CENPN: variants seen among roughly 807,000 people sequenced by gnomAD.
CENPN encodes the protein centromere protein N, also known as interphase centromere complex protein 32.
A neutral mutation model predicts 48.6 loss-of-function variants in CENPN; 36 were observed. The ratio of observed to expected loss-of-function variants is 0.74; its 90% CI spans 0.57 to 0.98. The LOEUF is 0.98. Ranked by LOEUF, CENPN falls within the 50% of genes least tolerant of loss-of-function variation. The pLI is 0.00. For missense variants in CENPN, 439 were observed against 399.2 expected, an observed-to-expected ratio of 1.10 and a Z score of -0.85; for synonymous variants, 166 against 135.2, an observed-to-expected ratio of 1.23 and a Z score of -1.58.
intron 1 of CENPN, among the ~76,000 whole-genome samples, chr16:81,009,956 C>G (rs61556524): frequency 3.9e-5 from 6 of 152,164 alleles, no homozygotes; most frequent in Non-Finnish European, 8.8e-5. Context: ...CCCAGCACTT[C>G]AGGAGGCCGA....
chr16:81,014,390 A>G, intron 3 of CENPN: 1 of 511,264 alleles, frequency 2.0e-6, no homozygotes, highest in Non-Finnish European at 3.5e-6. Flanking sequence ...GTGCACCACC[A>G]TGTATGGCTA....
chr16:81,013,993 A>G, intron 2 of CENPN, 143 bp from the exon 3 acceptor site: 1 of 549,398 alleles, frequency 1.8e-6, no homozygotes, highest in South Asian at 2.8e-5. Flanking sequence ...ATTGGTTAAC[A>G]GGAGAAGAGA....
chr16:81,012,251 G>A, intron 2 of CENPN, 141 bp downstream of exon 2: 3 of 528,996 alleles, frequency 5.7e-6, no homozygotes, highest in Non-Finnish European at 6.0e-6. Context: ...CAACTGCAGT[G>A]GAAAAAAACC....
At chr16:81,017,501 C>G (rs1408334115) in intron 4 of CENPN, 116 bp downstream of exon 4, 1 of 738,660 alleles carries the variant, frequency 1.4e-6, no homozygotes, top group African/African-American at 1.8e-5. Flanking sequence ...CAGAGCAAGA[C>G]TCTATATCCA....
At chr16:81,032,786 C>A, downstream of CENPN, 1 of 1,324,206 alleles carries the variant, frequency 7.6e-7, no homozygotes, top group Non-Finnish European at 1.0e-6. Flanking sequence ...CTAATGCAGG[C>A]CTCCTTGTTA....
At chr16:81,024,688 G>T in intron 7 of CENPN, 27 bp from the exon 8 acceptor site, 1 of 1,504,536 alleles carries the variant, frequency 6.6e-7, no homozygotes, top group South Asian at 1.2e-5. Context: ...GTCAAGATTA[G>T]TAAAATATTC....
chr16:81,010,406 G>A (rs1050424195), intron 1 of CENPN, among the ~76,000 whole-genome samples: 2 of 152,092 alleles, frequency 1.3e-5, no homozygotes, highest in African/African-American at 4.8e-5. Flanking sequence ...TCATTCTTCT[G>A]GAGATTATAT....
At chr16:81,031,733 G>A (rs114495170), downstream of CENPN, among the ~76,000 whole-genome samples, 847 of 152,266 alleles carry the variant, frequency 5.6e-3, 10 homozygotes, top group African/African-American at 0.019. Context: ...CTGTCCAGTA[G>A]CTGGGATTAC....
intron 7 of CENPN, chr16:81,023,416 C>T (rs1970303669): frequency 6.4e-6 from 1 of 155,310 alleles, no homozygotes; most frequent in African/African-American, 2.4e-5. Context: ...TGAGGCCAGG[C>T]ACAGTGGTTC....
intron 8 of CENPN, among the ~76,000 whole-genome samples, chr16:81,026,171 A>ATATATATATGTGTATATATATG (rs1970479740): frequency 6.9e-6 from 1 of 145,768 alleles, no homozygotes; most frequent in Non-Finnish European, 1.5e-5. Flanking sequence ...ATATATGTGT[A>ATATATATATGTGTATATATATG]TATATATGTG....
At chr16:81,025,617 G>A (rs1183910894) in intron 8 of CENPN, among the ~76,000 whole-genome samples, 1 of 151,436 alleles carries the variant, frequency 6.6e-6, no homozygotes, top group Non-Finnish European at 1.5e-5. Context: ...CGGCTACTTG[G>A]GAGGTTGAGG....
At chr16:81,027,262 G>A (rs1000898531) in intron 9 of CENPN, among the ~76,000 whole-genome samples, 6 of 152,104 alleles carry the variant, frequency 3.9e-5, no homozygotes, top group Non-Finnish European at 7.4e-5. Context: ...AGGCTGAGGC[G>A]GGCGGATCCC....
intron 1 of CENPN, among the ~76,000 whole-genome samples, chr16:81,010,020 G>A (rs1196633141): frequency 1.3e-5 from 2 of 152,166 alleles, no homozygotes; most frequent in African/African-American, 2.4e-5. Context: ...GCAACATGGT[G>A]AAACCATGTC....
intron 3 of CENPN, among the ~76,000 whole-genome samples, chr16:81,014,959 A>C (rs1453327): frequency 0.66 from 99,867 of 152,052 alleles, 34,427 homozygotes; most frequent in South Asian, 0.81. Flanking sequence ...CTGTTGGATG[A>C]TTTTGCTCAA....
intron 5 of CENPN, among the ~76,000 whole-genome samples, chr16:81,019,151 T>C (rs547755814): frequency 6.6e-6 from 1 of 152,232 alleles, no homozygotes; most frequent in African/African-American, 2.4e-5. Flanking sequence ...AAGCCCATTA[T>C]TACATAGAAA....
intron 1 of CENPN, 199 bp downstream of exon 1, chr16:81,007,476 GACGTCACCTCGC>G (rs1969474439): frequency 6.6e-6 from 1 of 152,216 alleles, no homozygotes; most frequent in Non-Finnish European, 1.5e-5. Flanking sequence ...TGCCGGCTGT[GACGTCACCTCGC>G]CCGCGGTGGG....
At chr16:81,014,982 G>A (rs748118256) in intron 3 of CENPN, among the ~76,000 whole-genome samples, 5 of 152,226 alleles carry the variant, frequency 3.3e-5, no homozygotes, top group Non-Finnish European at 7.3e-5. Flanking sequence ...GTAGGCTAAT[G>A]TAAGTGCTCT....
At position 81,028,741 on chromosome 16, in the gene CENPN, A is replaced by T; in HGVS notation, c.*90A>T. The T allele has an allele frequency of 6.6e-7, 1 of 1,505,440 alleles. No homozygotes were observed. Among genetic ancestry groups the T allele is most frequent in the Non-Finnish European group, 8.8e-7 (1 of 1,132,546 alleles). 93.3% of individuals were successfully genotyped at this position (1,505,440 alleles called of 1,614,324 possible). On this transcript the variant is annotated 3_prime_UTR_variant, in exon 11 of 11. Coordinates refer to ENST00000305850, the MANE Select transcript of CENPN (RefSeq NM_001100624.3). The stretch of plus-strand genomic sequence containing the variant: ...GCTAGCTGTATAGCTTCCGTCTGTA[A>T]ACTTGTATTTTCAAGAATCCTTGGT...
rs746322957 is a variant in CENPN, at chr16:81,028,300, G to A, written c.937+3G>A. The A allele has an allele frequency of 3.8e-5, 61 of 1,613,888 alleles. No homozygotes were observed. Among genetic ancestry groups the A allele is most frequent in the Non-Finnish European group, 4.4e-5 (52 of 1,179,936 alleles). ...ATTGAAATCCTTAGCACCAGCGGGT[G>A]AGTGGTCAGCTTACTCTATAAGCTA... On this transcript the variant is annotated splice_donor_region_variant and intron_variant, in intron 10 of 10. Transcript: ENST00000305850.
Sources: gnomAD v4.1 joint callset for allele counts (sites outside exome capture counted in the v4.1 genomes callset) on GRCh38, gnomAD v4.1.1 for gene constraint, MANE v1.5 for transcripts, NCBI Gene and HGNC (gene_info 2026-07-23, HGNC 2026-07-21) for gene names.